RABEP1: variants seen among roughly 807,000 people sequenced by gnomAD.
RABEP1 encodes rabaptin, RAB GTPase binding effector protein 1.
Under a neutral mutation model 123.4 loss-of-function variants are expected in RABEP1, and 51 were observed. The ratio of observed to expected loss-of-function variants is 0.41; its 90% CI spans 0.33 to 0.52. The LOEUF is 0.52. RABEP1 is among the 20% of genes least tolerant of loss of function. The probability of loss-of-function intolerance (pLI) is 0.16; values close to 1 mark genes in which losing one functional copy is unlikely to be tolerated. For synonymous variants in RABEP1, 347 were observed against 355.2 expected, an observed-to-expected ratio of 0.98 and a Z score of 0.26; for missense variants, 888 against 996.3, an observed-to-expected ratio of 0.89 and a Z score of 1.46.
intron 1 of RABEP1, among the ~76,000 whole-genome samples, chr17:5,304,096 A>G (rs2075159819): frequency 6.6e-6 from 1 of 152,148 alleles, no homozygotes; most frequent in Non-Finnish European, 1.5e-5. Context: ...ACGTAGTAGT[A>G]GGACACAGCT....
chr17:5,356,622 TATATGTTAAC>T (rs1293875834), intron 8 of RABEP1: 2 of 164,276 alleles, frequency 1.2e-5, no homozygotes, highest in African/African-American at 4.8e-5. Context: ...AGAGATAATA[TATATGTTAAC>T]ATATGTTAAC....
At chr17:5,288,776 T>C (rs1412391754) in intron 1 of RABEP1, among the ~76,000 whole-genome samples, 2 of 152,092 alleles carry the variant, frequency 1.3e-5, no homozygotes, top group African/African-American at 4.8e-5. Flanking sequence ...TGATCTCTGC[T>C]CACTGTAACC....
chr17:5,379,351 C>T (rs148732513), intron 15 of RABEP1, among the ~76,000 whole-genome samples: 32 of 152,294 alleles, frequency 2.1e-4, no homozygotes, highest in African/African-American at 4.8e-4. Context: ...GATGTCCCCG[C>T]GCAGTGCCGG....
In RABEP1 at chr17:5,368,358, G is replaced by GT. The variant is rs551165785; in HGVS notation, c.1786-5dup. ...TTCCTAACTATGTTTCTATACATGT[G>GT]TTTTTTTAAAGATCTCTGCACTCGT... On this transcript the variant is annotated splice_polypyrimidine_tract_variant and intron_variant, in intron 11 of 17. Transcript: ENST00000537505. The GT allele has an allele frequency of 6.8e-4, 1,075 of 1,582,198 alleles. 5 individuals carry two copies. The highest frequency in any genetic ancestry group is 1.1e-3 in the South Asian group (97 of 88,692).
At chr17:5,291,285 G>A (rs1022525426) in intron 1 of RABEP1, among the ~76,000 whole-genome samples, 2 of 151,952 alleles carry the variant, frequency 1.3e-5, no homozygotes, top group East Asian at 1.9e-4. Context: ...TGGTGGGCAC[G>A]TGTAACCCCA....
chr17:5,322,080 A>G (rs1046045153), intron 2 of RABEP1, among the ~76,000 whole-genome samples: 3 of 152,094 alleles, frequency 2.0e-5, no homozygotes, highest in African/African-American at 4.8e-5. Context: ...GGTGCCTGTA[A>G]TCGCAGCTAC....
intron 17 of RABEP1, 149 bp from the exon 18 acceptor site, chr17:5,382,973 A>ATT: frequency 1.6e-6 from 1 of 639,534 alleles, no homozygotes; most frequent in East Asian, 2.8e-5. Flanking sequence ...TTGGGGAATT[A>ATT]TTTTTAAAAT....
chr17:5,343,557 C>T (rs1250023182), intron 5 of RABEP1, among the ~76,000 whole-genome samples: 6 of 151,902 alleles, frequency 3.9e-5, no homozygotes, highest in African/African-American at 1.5e-4. Context: ...TATTTCTAAA[C>T]CGGTAACGAA....
intron 1 of RABEP1, 27 bp from the exon 2 acceptor site, chr17:5,308,667 T>C: frequency 6.3e-7 from 1 of 1,594,712 alleles, no homozygotes; most frequent in East Asian, 2.2e-5. Context: ...AAGTTATTAC[T>C]TGTTAACTAG....
At chr17:5,323,781 T>TATATATATATATCTAGGA (rs1398667258) in intron 2 of RABEP1, among the ~76,000 whole-genome samples, 1 of 70,460 alleles carries the variant, frequency 1.4e-5, no homozygotes, top group Admixed American at 1.9e-4. Context: ...TATCTAGGAA[T>TATATATATATATCTAGGA]ATATATATAT....
At chr17:5,323,837 G>A (rs1468956772) in intron 2 of RABEP1, among the ~76,000 whole-genome samples, 2 of 87,032 alleles carry the variant, frequency 2.3e-5, no homozygotes, top group Non-Finnish European at 2.1e-5. Flanking sequence ...TATATATCTA[G>A]GAATATATAT....
intron 11 of RABEP1, among the ~76,000 whole-genome samples, chr17:5,367,880 C>G (rs558452008): frequency 6.6e-6 from 1 of 150,780 alleles, no homozygotes; most frequent in South Asian, 2.2e-4. Flanking sequence ...CTCAGCCTCC[C>G]GAGTAGCTGG....
chr17:5,370,942 T>C (rs1187193719), intron 12 of RABEP1, among the ~76,000 whole-genome samples: 4 of 152,036 alleles, frequency 2.6e-5, no homozygotes, highest in Non-Finnish European at 5.9e-5. Context: ...GAATTTGATA[T>C]ATAGTTAGCT....
chr17:5,368,070 A>T (rs1296666312), intron 11 of RABEP1, among the ~76,000 whole-genome samples: 2 of 151,934 alleles, frequency 1.3e-5, no homozygotes, highest in Admixed American at 6.6e-5. Flanking sequence ...TTTTTTTTTT[A>T]AACATCTTTA....
At chr17:5,320,725 A>G (rs1372176025) in intron 2 of RABEP1, among the ~76,000 whole-genome samples, 1 of 152,206 alleles carries the variant, frequency 6.6e-6, no homozygotes, top group African/African-American at 2.4e-5. Flanking sequence ...GTTATCTACA[A>G]GATGTTTTTT....
In RABEP1 at chr17:5,375,057, A is replaced by C. The variant is rs9900886; in HGVS notation, c.2025+1603A>C. Among the ~76,000 whole-genome samples, 1,091 of 150,566 alleles carry C rather than the reference A, an allele frequency of 7.2e-3. 12 individuals are homozygous for C. Among genetic ancestry groups the C allele is most frequent in the African/African-American group, 0.025 (1,037 of 40,964 alleles). ...CTCCCAAAGTGCTGGGATTGCAGGC[A>C]TGAGACACCGTGCCTGTCCTATCCA... On this transcript the variant is annotated intron_variant, in intron 13 of 17. Coordinates refer to ENST00000537505, the MANE Select transcript of RABEP1 (RefSeq NM_004703.6).
At chr17:5,330,295 CTG>C (rs1345627397) in intron 2 of RABEP1, among the ~76,000 whole-genome samples, 5 of 152,112 alleles carry the variant, frequency 3.3e-5, no homozygotes, top group African/African-American at 1.2e-4. Flanking sequence ...GTTCTTAAAA[CTG>C]TCTTTGGCTA....
intron 1 of RABEP1, among the ~76,000 whole-genome samples, chr17:5,305,931 A>G (rs77252994): frequency 0.019 from 2,950 of 152,272 alleles, 49 homozygotes; most frequent in Non-Finnish European, 0.031. Context: ...TAGTTCCTCA[A>G]AAATTACCAT....
At chr17:5,289,818 A>G (rs2075015913) in intron 1 of RABEP1, among the ~76,000 whole-genome samples, 1 of 152,130 alleles carries the variant, frequency 6.6e-6, no homozygotes, top group South Asian at 2.1e-4. Flanking sequence ...CCAACCTTTG[A>G]ACTAGCAGAG....
Sources: allele counts gnomAD v4.1 joint callset (sites outside exome capture counted in the v4.1 genomes callset), GRCh38; gene constraint gnomAD v4.1.1; transcripts MANE v1.5; gene names NCBI Gene and HGNC (gene_info 2026-07-23, HGNC 2026-07-21).